The following DPP6 variants were observed in gnomAD, a reference collection of about 807,000 sequenced individuals.
DPP6 encodes A-type potassium channel modulatory protein DPP6.
In DPP6, 69 loss-of-function variants were observed where a neutral mutation model predicts 122.6. The ratio of observed to expected loss-of-function variants is 0.56; its 90% confidence interval spans 0.46 to 0.69. The LOEUF (loss-of-function observed/expected upper bound fraction) is 0.69. Ranked by LOEUF, DPP6 falls within the 30% of genes least tolerant of loss-of-function variation. DPP6 has a pLI of 0.00. For synonymous variants in DPP6, 418 were observed against 433.1 expected (o/e 0.97, Z 0.43); for missense variants, 928 against 1,116.9 (o/e 0.83, Z 2.41).
At chr7:154,723,005 A>G (rs1330503412) in intron 7 of DPP6, among the ~76,000 whole-genome samples, 1 of 152,176 alleles carries the variant, frequency 6.6e-6, no homozygotes, top group East Asian at 1.9e-4. Flanking sequence ...TTATGCCTGT[A>G]ATCCCAGCAC....
intron 1 of DPP6, among the ~76,000 whole-genome samples, chr7:154,350,134 C>A (rs1387352092): frequency 2.0e-5 from 3 of 152,180 alleles, no homozygotes; most frequent in Admixed American, 1.3e-4. Flanking sequence ...CCCTGGTCAC[C>A]TCCCCTGGAG....
At chr7:153,818,899 AT>A in the DPP6 span, among the ~76,000 whole-genome samples, 1 of 151,560 alleles carries the variant, frequency 6.6e-6, no homozygotes, top group Non-Finnish European at 1.5e-5. Context: ...TTACAGGTGC[AT>A]GCCACCACGC....
intron 1 of DPP6, among the ~76,000 whole-genome samples, chr7:154,040,786 G>C (rs974909919): frequency 6.6e-6 from 1 of 151,922 alleles, no homozygotes; most frequent in African/African-American, 2.4e-5. Flanking sequence ...TTCTTATTCT[G>C]ATTACTAGTG....
chr7:154,763,842 G>A, intron 8 of DPP6, among the ~76,000 whole-genome samples: 1 of 152,118 alleles, frequency 6.6e-6, no homozygotes, highest in Non-Finnish European at 1.5e-5. Context: ...GGTGTGGGGA[G>A]CCCCCTAGAT....
chr7:153,756,001 C>T, the DPP6 span, among the ~76,000 whole-genome samples: 1 of 152,196 alleles, frequency 6.6e-6, no homozygotes, highest in Non-Finnish European at 1.5e-5. Context: ...TTTTCTCACA[C>T]ACTTGGCTTC....
intron 1 of DPP6, among the ~76,000 whole-genome samples, chr7:154,383,380 C>G (rs1439420216): frequency 2.0e-5 from 3 of 152,188 alleles, no homozygotes; most frequent in Non-Finnish European, 4.4e-5. Context: ...TCTGGCTCCT[C>G]TAATTAATGG....
chr7:154,338,445 G>A (rs1406280982), intron 1 of DPP6, among the ~76,000 whole-genome samples: 1 of 152,098 alleles, frequency 6.6e-6, no homozygotes, highest in Non-Finnish European at 1.5e-5. Context: ...TATAAAACTG[G>A]AGATACACCG....
At chr7:154,578,558 CTGTGCTT>C (rs1831839498) in intron 5 of DPP6, among the ~76,000 whole-genome samples, 1 of 151,944 alleles carries the variant, frequency 6.6e-6, no homozygotes, top group South Asian at 2.1e-4. Flanking sequence ...TCAGCTGTGA[CTGTGCTT>C]TGGGCCAAGT....
At chr7:154,724,586 T>C (rs769973178) in intron 7 of DPP6, among the ~76,000 whole-genome samples, 2 of 152,190 alleles carry the variant, frequency 1.3e-5, no homozygotes, top group Admixed American at 1.3e-4. Flanking sequence ...CTCACACCTC[T>C]GTCAGGGGCT....
chr7:154,290,195 C>A (rs963197701), intron 1 of DPP6, among the ~76,000 whole-genome samples: 7 of 152,140 alleles, frequency 4.6e-5, no homozygotes, highest in Non-Finnish European at 7.3e-5. Flanking sequence ...TGCAGCCAAA[C>A]GTCTCTAAAG....
At chr7:154,803,269 C>G (rs1277372648) in intron 13 of DPP6, among the ~76,000 whole-genome samples, 1 of 152,236 alleles carries the variant, frequency 6.6e-6, no homozygotes, top group Non-Finnish European at 1.5e-5. Context: ...ATGGCCCTGT[C>G]TCTCTCTTCT....
At chr7:154,277,682 T>C (rs540886555) in intron 1 of DPP6, among the ~76,000 whole-genome samples, 2 of 152,280 alleles carry the variant, frequency 1.3e-5, no homozygotes, top group East Asian at 3.9e-4. Context: ...GGAGAATTGC[T>C]TGAGCCTGGG....
At chr7:154,820,305 A>G (rs1384201904) in intron 16 of DPP6, among the ~76,000 whole-genome samples, 2 of 152,212 alleles carry the variant, frequency 1.3e-5, no homozygotes, top group African/African-American at 4.8e-5. Flanking sequence ...GACCGACTGT[A>G]AATATCCTCC....
the DPP6 span, among the ~76,000 whole-genome samples, chr7:153,782,667 GA>G: frequency 6.6e-6 from 1 of 152,102 alleles, no homozygotes; most frequent in Non-Finnish European, 1.5e-5. Flanking sequence ...AGAAGGGTAA[GA>G]AAAAAAGTGT....
chr7:154,339,499 C>G (rs1299683367), intron 1 of DPP6, among the ~76,000 whole-genome samples: 4 of 152,176 alleles, frequency 2.6e-5, no homozygotes, highest in Non-Finnish European at 5.9e-5. Context: ...CCCGTAGGCT[C>G]CTGAGAAGCT....
At chr7:154,550,041 ATG>A (rs1189712823) in intron 4 of DPP6, among the ~76,000 whole-genome samples, 1 of 152,204 alleles carries the variant, frequency 6.6e-6, no homozygotes, top group East Asian at 1.9e-4. Context: ...GAAATAAAGA[ATG>A]AGTATTATTT....
chr7:153,843,233 T>A, the DPP6 span, among the ~76,000 whole-genome samples: 6 of 150,342 alleles, frequency 4.0e-5, no homozygotes, highest in Admixed American at 4.0e-4. Context: ...TACACGCACA[T>A]ACACACGCAC....
chr7:154,252,715 C>T (rs1309867565), intron 1 of DPP6, among the ~76,000 whole-genome samples: 1 of 152,178 alleles, frequency 6.6e-6, no homozygotes, highest in African/African-American at 2.4e-5. Context: ...GCAGAATGTC[C>T]AAATGAGTTG....
the DPP6 span, among the ~76,000 whole-genome samples, chr7:153,803,414 A>G: frequency 6.7e-6 from 1 of 150,052 alleles, no homozygotes; most frequent in East Asian, 2.0e-4. Context: ...GGCGGACTCA[A>G]ATAGAACAAA....
Sources: allele counts gnomAD v4.1 joint callset (sites outside exome capture counted in the v4.1 genomes callset), GRCh38; gene constraint gnomAD v4.1.1; transcripts MANE v1.5; gene names NCBI Gene and HGNC (gene_info 2026-07-23, HGNC 2026-07-21).